Variants in MGAT5 observed in about 807,000 individuals in gnomAD.
MGAT5 encodes alpha-1,6-mannosylglycoprotein 6-beta-N-acetylglucosaminyltransferase, also known as alpha-1,6-mannosylglycoprotein 6-beta-N-acetylglucosaminyltransferase A.
Under a neutral mutation model 94.3 loss-of-function variants are expected in MGAT5, and 30 were observed. The observed-to-expected ratio is 0.32, with a 90% confidence interval of 0.24 to 0.43. The LOEUF is 0.43. Ranked by LOEUF, MGAT5 falls within the 20% of genes least tolerant of loss-of-function variation. The pLI is 1.00. For synonymous variants in MGAT5, 310 were observed against 322.9 expected (o/e 0.96, Z 0.43); for missense variants, 691 against 905.5 (o/e 0.76, Z 3.04).
intron 1 of MGAT5, among the ~76,000 whole-genome samples, chr2:134,257,836 C>CCTTTTT (rs781189819): frequency 0.13 from 13,246 of 105,938 alleles, 1,939 homozygotes; most frequent in Non-Finnish European, 0.18. Flanking sequence ...TTTGCAGTCT[C>CCTTTTT]TTTTTTTTTT....
intron 10 of MGAT5, among the ~76,000 whole-genome samples, chr2:134,387,699 A>G (rs116166301): frequency 0.019 from 2,899 of 152,216 alleles, 39 homozygotes; most frequent in Non-Finnish European, 0.031. Context: ...GAAGGAGAAG[A>G]ATCATCATTC....
chr2:134,349,958 G>A lies in MGAT5; in HGVS notation c.1246+20G>A, dbSNP rs764923678. 1.9e-6 allele frequency: 3 copies of A among 1,612,370 alleles called. No homozygotes were observed. The South Asian group carries it at 3.3e-5, about 18-fold the overall frequency. On this transcript the variant is annotated intron_variant, in intron 9 of 15. Coordinates refer to ENST00000281923, the MANE Select transcript of MGAT5 (RefSeq NM_002410.5). ...TGTTCCGTGAGTATTCCTGTTTCAT[G>A]TATGCTTTCCAGAATGCCACCAAAG...
chr2:134,289,479 T>C (rs532358561), intron 2 of MGAT5, among the ~76,000 whole-genome samples: 1 of 152,282 alleles, frequency 6.6e-6, no homozygotes, highest in South Asian at 2.1e-4. Flanking sequence ...ATGTAGATGT[T>C]GAGGGACTTT....
In MGAT5 at chr2:134,325,010, T is replaced by TAA. The variant is rs34721704; in HGVS notation, c.573+6283_573+6284dup. ...CTAAGACATCCTTAGTAAAAGAATT[T>TAA]AAAAAAAAAAAAATCCTGAGTTTAC... On this transcript the variant is annotated intron_variant, in intron 4 of 15. Coordinates refer to ENST00000281923, the MANE Select transcript of MGAT5 (RefSeq NM_002410.5). 8.4e-3 allele frequency among the ~76,000 whole-genome samples: 1,239 copies of TAA among 148,122 alleles called. 7 individuals carry two copies. The highest frequency in any genetic ancestry group is 0.012 in the Non-Finnish European group (824 of 67,030).
At chr2:134,299,399 G>C (rs925596511) in intron 2 of MGAT5, among the ~76,000 whole-genome samples, 1 of 152,196 alleles carries the variant, frequency 6.6e-6, no homozygotes, top group African/African-American at 2.4e-5. Context: ...GAGTACTCTT[G>C]TGAAGTTTCA....
intron 11 of MGAT5, among the ~76,000 whole-genome samples, chr2:134,408,682 G>A (rs1683477605): frequency 6.6e-6 from 1 of 152,210 alleles, no homozygotes; most frequent in Admixed American, 6.5e-5. Flanking sequence ...ATGGAAGAGA[G>A]TCTGGCCACT....
intron 2 of MGAT5, among the ~76,000 whole-genome samples, chr2:134,311,380 A>G (rs1242004449): frequency 6.6e-6 from 1 of 152,214 alleles, no homozygotes; most frequent in Non-Finnish European, 1.5e-5. Flanking sequence ...CAGGTTGTTA[A>G]AAACAAGTGT....
intron 1 of MGAT5, among the ~76,000 whole-genome samples, chr2:134,153,705 C>A (rs1002795017): frequency 1.3e-5 from 2 of 152,066 alleles, no homozygotes; most frequent in Admixed American, 1.3e-4. Context: ...GCCTGCTAGG[C>A]CCTGCTGGGT....
intron 1 of MGAT5, among the ~76,000 whole-genome samples, chr2:134,258,092 T>C (rs981467557): frequency 1.3e-5 from 2 of 152,182 alleles, no homozygotes; most frequent in Non-Finnish European, 2.9e-5. Context: ...GCTGATTTAT[T>C]AGAATTTCTG....
chr2:134,192,242 C>T (rs1453235317), intron 1 of MGAT5, among the ~76,000 whole-genome samples: 3 of 152,076 alleles, frequency 2.0e-5, no homozygotes, highest in Non-Finnish European at 4.4e-5. Flanking sequence ...GTGGGTTTGG[C>T]TCCCTTCTTT....
At position 134,335,922 on chromosome 2, in the gene MGAT5, C is replaced by T. The variant is rs1324429775; in HGVS notation, c.574-295C>T. Among the ~76,000 whole-genome samples the T allele has an allele frequency of 2.0e-5, 3 of 152,160 alleles. No individual in the cohort carries two copies. In the East Asian group the frequency reaches 5.8e-4, roughly 29 times the overall value. On this transcript the variant is annotated intron_variant, in intron 4 of 15. Transcript: ENST00000281923. ...ACTTTCTGCCATTAGACTGCCTTTC[C>T]TTCTGGTACAGAGATGTGAGGCTTA...
rs564521171 is a variant in MGAT5 at position 134,259,194 on chromosome 2, C to T, written c.241+4550C>T. ...CAGAGAGGAGTGTGTTGGCTTTTGCCTCCCAGGCAAGTGTAGAGCCAGAGC... is the reference window on the plus strand; with the variant it reads ...CAGAGAGGAGTGTGTTGGCTTTTGCTTCCCAGGCAAGTGTAGAGCCAGAGC... On this transcript the variant is annotated intron_variant, in intron 1 of 15. Transcript: ENST00000281923. Among the ~76,000 whole-genome samples the T allele has an allele frequency of 2.6e-5, 4 of 152,304 alleles. No homozygotes were observed. The East Asian group carries it at 7.7e-4, about 29-fold the overall frequency.
chr2:134,364,361 G>C (rs756204223), intron 10 of MGAT5, among the ~76,000 whole-genome samples: 41 of 152,160 alleles, frequency 2.7e-4, no homozygotes, highest in Non-Finnish European at 4.6e-4. Flanking sequence ...TTAGCTAGGC[G>C]TGGTGGCAGG....
intron 1 of MGAT5, among the ~76,000 whole-genome samples, chr2:134,207,307 T>C (rs180687704): frequency 1.3e-5 from 2 of 152,320 alleles, no homozygotes; most frequent in East Asian, 1.9e-4. Context: ...CCCTTTGCCA[T>C]GTAAGGTGTA....
At chr2:134,267,426 A>C (rs1390199044) in intron 1 of MGAT5, among the ~76,000 whole-genome samples, 1 of 152,240 alleles carries the variant, frequency 6.6e-6, no homozygotes, top group Non-Finnish European at 1.5e-5. Context: ...ACTGCCTGGC[A>C]TATAGAAAGT....
intron 1 of MGAT5, among the ~76,000 whole-genome samples, chr2:134,154,911 C>G (rs963037081): frequency 2.0e-5 from 3 of 152,222 alleles, no homozygotes; most frequent in Non-Finnish European, 4.4e-5. Flanking sequence ...TCTTGGTCAT[C>G]TGTGACCTTT....
At chr2:134,419,442 T>TCGTG (rs778375692) in intron 12 of MGAT5, among the ~76,000 whole-genome samples, 1 of 134,136 alleles carries the variant, frequency 7.5e-6, no homozygotes, top group African/African-American at 2.8e-5. Flanking sequence ...GCTTCAGGGT[T>TCGTG]TGTGTGTGTG....
chr2:134,215,023 A>C (rs1488405587), intron 1 of MGAT5, among the ~76,000 whole-genome samples: 2 of 152,158 alleles, frequency 1.3e-5, no homozygotes, highest in African/African-American at 2.4e-5. Flanking sequence ...ATAAACTCAT[A>C]AAATGGAAAC....
intron 1 of MGAT5, among the ~76,000 whole-genome samples, chr2:134,173,820 T>C (rs1242194947): frequency 6.6e-6 from 1 of 152,216 alleles, no homozygotes; most frequent in African/African-American, 2.4e-5. Flanking sequence ...CACAGATGAC[T>C]TTACATTCTT....
Sources: gnomAD v4.1 joint callset for allele counts (sites outside exome capture counted in the v4.1 genomes callset) on GRCh38, gnomAD v4.1.1 for gene constraint, MANE v1.5 for transcripts, NCBI Gene and HGNC (gene_info 2026-07-23, HGNC 2026-07-21) for gene names.